Variants in FGF9 observed in about 807,000 individuals in gnomAD.
FGF9 encodes fibroblast growth factor 9 (glia-activating factor).
Under a neutral mutation model 19.9 loss-of-function variants are expected in FGF9, and 3 were observed. The ratio of observed to expected loss-of-function variants is 0.15; its 90% CI spans 0.07 to 0.39. The LOEUF is 0.39. Ranked by LOEUF, FGF9 falls within the 10% of genes least tolerant of loss-of-function variation. FGF9 has a pLI of 1.00. For synonymous variants in FGF9, 107 were observed against 106.9 expected (o/e 1.00, Z -0.01); for missense variants, 175 against 256.8 (o/e 0.68, Z 2.18).
rs1392397273 is a variant in FGF9 at position 21,701,554 on chromosome 13, G to C, written c.*119G>C. ...AGCTCCACTGTTGCCAAACTTTGTC[G>C]CATGCATAATGTATGATGGAGGCTT... On this transcript the variant is annotated 3_prime_UTR_variant, in exon 3 of 3. Coordinates refer to ENST00000382353, the MANE Select transcript of FGF9 (RefSeq NM_002010.3). 2.1e-5 allele frequency: 29 copies of C among 1,380,092 alleles called. No homozygotes were observed. Among genetic ancestry groups the C allele is most frequent in the Non-Finnish European group, 2.7e-5 (26 of 973,184 alleles). 85.5% of individuals were successfully genotyped at this position (1,380,092 alleles called of 1,614,324 possible).
rs182198663 is a variant in FGF9 at position 21,698,768 on chromosome 13, G to A, written c.382-2422G>A. Among the ~76,000 whole-genome samples the A allele has an allele frequency of 1.3e-3, 194 of 152,264 alleles. 2 individuals are homozygous for A. The highest frequency in any genetic ancestry group is 3.4e-3 in the Middle Eastern group (1 of 294). ...TACATTTAAAATACAGTTTAATTCC[G>A]TAGTGTTTGTAGGTGATGTGATTTC... is the stretch of plus-strand genomic sequence containing the variant. On this transcript the variant is annotated intron_variant, in intron 2 of 2. Coordinates refer to ENST00000382353, the MANE Select transcript of FGF9 (RefSeq NM_002010.3).
chr13:21,696,097 G>A (rs1197752335), intron 2 of FGF9, among the ~76,000 whole-genome samples: 1 of 152,198 alleles, frequency 6.6e-6, no homozygotes, highest in Non-Finnish European at 1.5e-5. Context: ...TGTTGCCCAT[G>A]TGGATTACAC....
intron 2 of FGF9, among the ~76,000 whole-genome samples, chr13:21,697,943 G>T (rs920778959): frequency 2.0e-5 from 3 of 151,966 alleles, no homozygotes; most frequent in African/African-American, 7.3e-5. Context: ...GAGTAGCTGG[G>T]ACTACAGGCG....
At chr13:21,676,573 C>T (rs1230194382) in intron 1 of FGF9, among the ~76,000 whole-genome samples, 1 of 152,220 alleles carries the variant, frequency 6.6e-6, no homozygotes, top group Non-Finnish European at 1.5e-5. Flanking sequence ...CAGATCCGAA[C>T]TTACCCCGGT....
Position 21,674,589 on chromosome 13 carries a change from G to A in FGF9, c.277+2400G>A, listed in dbSNP as rs150075677. The stretch of plus-strand genomic sequence containing the variant: ...GCCGGTTTTATTGTGTGGATCAGCC[G>A]AGCCTGTCTTTGAGAGACCCTATTA... On this transcript the variant is annotated intron_variant, in intron 1 of 2. Coordinates refer to ENST00000382353, the MANE Select transcript of FGF9 (RefSeq NM_002010.3). Among the ~76,000 whole-genome samples the A allele has an allele frequency of 1.6e-4, 25 of 152,086 alleles. No individual in the cohort carries two copies. The East Asian group carries it at 4.9e-3, about 30-fold the overall frequency.
intron 2 of FGF9, among the ~76,000 whole-genome samples, chr13:21,687,482 G>A (rs1220976438): frequency 6.6e-6 from 1 of 152,210 alleles, no homozygotes; most frequent in African/African-American, 2.4e-5. Flanking sequence ...TAAACGGCAA[G>A]ATCAGTAAAA....
At chr13:21,688,935 C>T (rs764377914) in intron 2 of FGF9, among the ~76,000 whole-genome samples, 1 of 152,172 alleles carries the variant, frequency 6.6e-6, no homozygotes, top group Non-Finnish European at 1.5e-5. Flanking sequence ...ATACTTAAAA[C>T]ATCCCAAGCT....
At chr13:21,700,011 ATGTGG>A (rs1346598303) in intron 2 of FGF9, among the ~76,000 whole-genome samples, 3 of 115,512 alleles carry the variant, frequency 2.6e-5, no homozygotes, top group Admixed American at 1.0e-4. Context: ...CAGCTTTGGG[ATGTGG>A]TGTGTGTGTG....
chr13:21,675,481 G>T (rs1027448379), intron 1 of FGF9, among the ~76,000 whole-genome samples: 2 of 151,926 alleles, frequency 1.3e-5, no homozygotes, highest in East Asian at 3.9e-4. Context: ...GAGGGCGGAG[G>T]GAGGGCACAG....
intron 1 of FGF9, 137 bp from the exon 2 acceptor site, chr13:21,680,905 C>A: frequency 1.6e-6 from 1 of 629,610 alleles, no homozygotes; most frequent in Non-Finnish European, 3.0e-6. Flanking sequence ...AAAGAGAAGA[C>A]ACTTCTTTAA....
chr13:21,699,270 C>T (rs556586240), intron 2 of FGF9, among the ~76,000 whole-genome samples: 18 of 152,310 alleles, frequency 1.2e-4, no homozygotes, highest in East Asian at 7.7e-4. Flanking sequence ...TTGGTTTCTG[C>T]GATTCATTCT....
At chr13:21,686,208 T>C (rs181477382) in intron 2 of FGF9, among the ~76,000 whole-genome samples, 2 of 152,280 alleles carry the variant, frequency 1.3e-5, no homozygotes, top group East Asian at 3.9e-4. Context: ...TTTGTGTTTT[T>C]AGTAGAGATG....
intron 2 of FGF9, among the ~76,000 whole-genome samples, chr13:21,690,999 A>G (rs1025165989): frequency 3.3e-5 from 5 of 152,244 alleles, no homozygotes; most frequent in African/African-American, 1.2e-4. Flanking sequence ...GTGTCATTCA[A>G]CAGAAACACA....
At chr13:21,696,926 T>A (rs1271397748) in intron 2 of FGF9, among the ~76,000 whole-genome samples, 1 of 152,212 alleles carries the variant, frequency 6.6e-6, no homozygotes, top group Non-Finnish European at 1.5e-5. Context: ...TAACACAGTC[T>A]TTATAACTTT....
In FGF9 at chr13:21,702,318, T is replaced by G. The variant is rs887687119; in HGVS notation, c.*883T>G. Reference sequence around the variant, plus strand: ...TGCACATCGCTCATGACACTGAGTATTCACTCTTCAGACTGCTTGTTTCAT... The same window carrying G: ...TGCACATCGCTCATGACACTGAGTAGTCACTCTTCAGACTGCTTGTTTCAT... On this transcript the variant is annotated 3_prime_UTR_variant, in exon 3 of 3. Transcript: ENST00000382353. 1 of 152,230 alleles carries G rather than the reference T, an allele frequency of 6.6e-6. No homozygotes were observed. The highest frequency in any genetic ancestry group is 2.4e-5 in the African/African-American group (1 of 41,462). 9.4% of individuals were successfully genotyped at this position (152,230 alleles called of 1,614,324 possible).
intron 1 of FGF9, among the ~76,000 whole-genome samples, chr13:21,677,670 T>C (rs1211275637): frequency 6.6e-6 from 1 of 152,160 alleles, no homozygotes; most frequent in African/African-American, 2.4e-5. Context: ...GTGGAATTCT[T>C]TGCATGGGGG....
At position 21,691,657 on chromosome 13, in the gene FGF9, T is replaced by C. The variant is rs563150762; in HGVS notation, c.382-9533T>C. Among the ~76,000 whole-genome samples, 17 of 152,316 alleles carry C rather than the reference T, an allele frequency of 1.1e-4. No homozygotes were observed. In the South Asian group the frequency reaches 3.3e-3, roughly 30 times the overall value. ...TGGCCCGAGAGATGCCCTCCATCCT[T>C]ACAAAGTGGAGTGGGAACCACTGTC... On this transcript the variant is annotated intron_variant, in intron 2 of 2. Coordinates refer to ENST00000382353, the MANE Select transcript of FGF9 (RefSeq NM_002010.3). This position sits in a 1 kb window ranked among gnomAD's most constrained non-coding sequence, Gnocchi z 4.2.
At chr13:21,675,591 G>C (rs1001514447) in intron 1 of FGF9, among the ~76,000 whole-genome samples, 1 of 152,146 alleles carries the variant, frequency 6.6e-6, no homozygotes, top group African/African-American at 2.4e-5. Context: ...CTCCTCCTCC[G>C]GCAGCAGCCT....
intron 2 of FGF9, among the ~76,000 whole-genome samples, chr13:21,697,522 C>T (rs188300216): frequency 1.6e-3 from 245 of 152,248 alleles, no homozygotes; most frequent in Admixed American, 3.7e-3. Flanking sequence ...CTCTAATAGC[C>T]TGCTAGGGAA....
Sources: gnomAD v4.1 joint callset for allele counts (sites outside exome capture counted in the v4.1 genomes callset) on GRCh38, gnomAD v4.1.1 for gene constraint, Gnocchi (gnomAD v3.1) non-coding constraint, MANE v1.5 for transcripts, NCBI Gene and HGNC (gene_info 2026-07-23, HGNC 2026-07-21) for gene names.